ADGRL2: variants seen among roughly 807,000 people sequenced by gnomAD.
ADGRL2 encodes calcium-independent alpha-latrotoxin receptor 2.
ADGRL2 carries 44 observed loss-of-function variants against 157.4 expected under a neutral mutation model. The ratio of observed to expected loss-of-function variants is 0.28; its 90% confidence interval spans 0.22 to 0.36. ADGRL2 has a LOEUF of 0.36. Among genes scored for constraint, ADGRL2 ranks in the 10% least tolerant of loss-of-function variants. ADGRL2 has a pLI of 1.00. For missense variants in ADGRL2, 1,510 were observed against 1,768.9 expected (o/e 0.85, Z 2.63); for synonymous variants, 585 against 624.7 (o/e 0.94, Z 0.95).
At chr1:81,419,774 T>C (rs1430281143) in intron 1 of ADGRL2, among the ~76,000 whole-genome samples, 3 of 152,212 alleles carry the variant, frequency 2.0e-5, no homozygotes, top group Non-Finnish European at 2.9e-5. Context: ...ACAAATGCTG[T>C]AGTGCAGGAT....
intron 1 of ADGRL2, among the ~76,000 whole-genome samples, chr1:81,348,946 A>T (rs1044247474): frequency 6.6e-6 from 1 of 152,220 alleles, no homozygotes; most frequent in Non-Finnish European, 1.5e-5. Context: ...TTTAAGAAAA[A>T]ATATATAACT....
intron 2 of ADGRL2, among the ~76,000 whole-genome samples, chr1:81,525,639 T>C (rs1207143810): frequency 2.0e-5 from 3 of 152,148 alleles, no homozygotes; most frequent in African/African-American, 4.8e-5. Context: ...CTTTCTGACA[T>C]AGTGTATAAA....
chr1:81,609,403 T>C (rs1273949126), intron 3 of ADGRL2, among the ~76,000 whole-genome samples: 1 of 152,200 alleles, frequency 6.6e-6, no homozygotes, highest in Non-Finnish European at 1.5e-5. Flanking sequence ...TTGATACAAG[T>C]AACTCTTGGG....
At chr1:81,908,782 G>GTTGTAAT (rs1242322103) in intron 3 of ADGRL2, among the ~76,000 whole-genome samples, 1 of 151,710 alleles carries the variant, frequency 6.6e-6, no homozygotes, top group African/African-American at 2.4e-5. Context: ...TCTTATTGAT[G>GTTGTAAT]TTGTAATTTG....
chr1:81,950,266 C>G lies in ADGRL2; in HGVS notation c.1288C>G (p.Gln430Glu), dbSNP rs370794666. Residue 430 changes from glutamine (Q) to glutamate (E), a missense_variant, in exon 7 of 24, where the codon CAG (glutamine) becomes GAG (glutamate). By Grantham distance (29) the Gln-to-Glu change is conservative. Around this residue, in one of 4 missense-constraint regions of ADGRL2, gnomAD observed 325 missense variants for 333.2 expected, o/e 0.98. Transcript: ENST00000686636. Reference protein sequence around the residue: ...TIISTTSTTSQKGPMSTTVAG... With the variant: ...TIISTTSTTSEKGPMSTTVAG... ...AATATCAACCACAAGCACTACTTCA[C>G]AGAAAGGCCCCATGAGCACAACTGT... 1.2e-6 allele frequency: 2 copies of G among 1,614,044 alleles called. No homozygotes were observed. Among genetic ancestry groups the G allele is most frequent in the Admixed American group, 3.3e-5 (2 of 60,016 alleles).
Position 81,552,624 on chromosome 1 carries a change from A to AC in ADGRL2, c.-247-28251dup, listed in dbSNP as rs144656500. On this transcript the variant is annotated intron_variant, in intron 2 of 24. Transcript: ENST00000370721. ...TACTTAGAAAAAAAAAAAAAAAAAA[A>AC]CAGAAAAGAAAGAAAAAGAACCCCC... 1.2e-4 allele frequency among the ~76,000 whole-genome samples: 17 copies of AC among 138,644 alleles called. 1 individual carries two copies. The highest frequency in any genetic ancestry group is 6.4e-4 in the Admixed American group (9 of 14,004). The allele number at this position is 138,644 out of a possible 152,430, so 91.0% of individuals were successfully genotyped here. A position where few individuals can be genotyped will look rare whatever the true frequency, so the allele number is the denominator to read the frequency against.
chr1:81,644,436 T>C (rs963054429), intron 3 of ADGRL2, among the ~76,000 whole-genome samples: 3 of 152,096 alleles, frequency 2.0e-5, no homozygotes, highest in South Asian at 4.1e-4. Flanking sequence ...AAAAGAGAAG[T>C]CACAGACTGG....
intron 3 of ADGRL2, among the ~76,000 whole-genome samples, chr1:81,677,069 T>G (rs1284839394): frequency 6.6e-6 from 1 of 151,322 alleles, no homozygotes; most frequent in Non-Finnish European, 1.5e-5. Flanking sequence ...TCATCGCAAC[T>G]CTGCCTCCCG....
At chr1:81,562,528 T>C (rs1351438898) in intron 2 of ADGRL2, among the ~76,000 whole-genome samples, 1 of 152,190 alleles carries the variant, frequency 6.6e-6, no homozygotes. Context: ...AAATTTTATT[T>C]GTTTCTACTT....
chr1:81,930,262 C>T (rs1037341815), intron 3 of ADGRL2, among the ~76,000 whole-genome samples: 1 of 152,088 alleles, frequency 6.6e-6, no homozygotes, highest in African/African-American at 2.4e-5. Flanking sequence ...TAATGAGGCA[C>T]TATGTCTCAA....
At position 81,462,602 on chromosome 1, in the gene ADGRL2, G is replaced by C. The variant is rs535537633; in HGVS notation, c.-248+17513G>C. 2.0e-5 allele frequency among the ~76,000 whole-genome samples: 3 copies of C among 152,242 alleles called. No homozygotes were observed. The South Asian group carries it at 6.2e-4, about 32-fold the overall frequency. ...GTGTGATGTAAAGTTACCAGGTAGT[G>C]TGGTCCGATTTTTACTCAGTTATTG... is the stretch of plus-strand genomic sequence containing the variant. On this transcript the variant is annotated intron_variant, in intron 2 of 24. Coordinates refer to the ADGRL2 transcript ENST00000370721.
At chr1:81,983,440 A>G (rs956605439) in intron 19 of ADGRL2, among the ~76,000 whole-genome samples, 5 of 152,012 alleles carry the variant, frequency 3.3e-5, no homozygotes, top group Non-Finnish European at 7.4e-5. Flanking sequence ...AATAAAGCTA[A>G]AAAGATGAAA....
At chr1:81,455,452 T>A (rs922532309) in intron 2 of ADGRL2, among the ~76,000 whole-genome samples, 1 of 152,204 alleles carries the variant, frequency 6.6e-6, no homozygotes, top group Non-Finnish European at 1.5e-5. Context: ...GTGAAAATTT[T>A]CCTTCTCATA....
chr1:81,498,658 C>G (rs1286801114), intron 2 of ADGRL2, among the ~76,000 whole-genome samples: 1 of 152,168 alleles, frequency 6.6e-6, no homozygotes, highest in Non-Finnish European at 1.5e-5. Context: ...GTTTGCTTGA[C>G]AAACAAGCAA....
intron 2 of ADGRL2, among the ~76,000 whole-genome samples, chr1:81,488,362 G>A (rs777809326): frequency 4.1e-4 from 63 of 152,184 alleles, no homozygotes; most frequent in Middle Eastern, 6.8e-3. Flanking sequence ...AAACTCTGGG[G>A]AAAGGGAAGA....
chr1:81,421,047 G>T (rs936087950), intron 1 of ADGRL2, among the ~76,000 whole-genome samples: 8 of 152,116 alleles, frequency 5.3e-5, no homozygotes, highest in African/African-American at 1.7e-4. Flanking sequence ...TGGGTTTTCA[G>T]TTGGCAAGTA....
At chr1:81,654,849 T>C (rs906853101) in intron 3 of ADGRL2, among the ~76,000 whole-genome samples, 6 of 152,218 alleles carry the variant, frequency 3.9e-5, no homozygotes, top group African/African-American at 1.4e-4. Flanking sequence ...ACCAGTGCTA[T>C]GACAAGTGAT....
intron 1 of ADGRL2, among the ~76,000 whole-genome samples, chr1:81,390,420 C>T (rs1198962669): frequency 6.6e-6 from 1 of 152,304 alleles, no homozygotes; most frequent in East Asian, 1.9e-4. Context: ...ATTGGTATAA[C>T]ATATTGGTAT....
rs184383596 is a variant in ADGRL2, at chr1:81,436,656, T to G, written c.-301-8380T>G. Among the ~76,000 whole-genome samples, 421 of 152,322 alleles carry G rather than the reference T, an allele frequency of 2.8e-3. 2 individuals are homozygous for G. Among genetic ancestry groups the G allele is most frequent in the Admixed American group, 6.9e-3 (105 of 15,294 alleles). On this transcript the variant is annotated intron_variant, in intron 1 of 24. Coordinates refer to the ADGRL2 transcript ENST00000370721. ...AGATGAAATCAATATAAAATAAATT[T>G]ATCTGAGCCTTTCCATCCTTCCACT...
Sources: allele counts gnomAD v4.1 joint callset (sites outside exome capture counted in the v4.1 genomes callset), GRCh38; gene constraint gnomAD v4.1.1; regional missense constraint gnomAD v4.1.1; transcripts MANE v1.5; gene names NCBI Gene and HGNC (gene_info 2026-07-23, HGNC 2026-07-21).